NTM: variants seen among roughly 807,000 people sequenced by gnomAD.
NTM encodes IgLON family member 2.
In NTM, 13 loss-of-function variants were observed where a neutral mutation model predicts 42.1. The ratio of observed to expected loss-of-function variants is 0.31; its 90% CI spans 0.20 to 0.49. The LOEUF (loss-of-function observed/expected upper bound fraction) is 0.49. NTM is among the 20% of genes least tolerant of loss of function. The pLI is 0.99. For missense variants in NTM, 373 were observed against 452.8 expected (o/e 0.82, Z 1.60); for synonymous variants, 187 against 179.2 (o/e 1.04, Z -0.35).
At chr11:132,171,830 T>C (rs2076158910) in intron 3 of NTM, among the ~76,000 whole-genome samples, 1 of 152,236 alleles carries the variant, frequency 6.6e-6, no homozygotes, top group Non-Finnish European at 1.5e-5. Context: ...ATGAGCCCTG[T>C]CTGCAGGGGA....
rs904015524 is a variant in NTM, at chr11:131,601,248, C to T, written c.82+230360C>T. Among the ~76,000 whole-genome samples, 9 of 152,216 alleles carry T rather than the reference C, an allele frequency of 5.9e-5. No homozygotes were observed. In the East Asian group the frequency reaches 1.7e-3, roughly 29 times the overall value. ...GGACAGTGGTGGCAGCGAGGTCACC[C>T]CAGCAGGTGGTGTAGGAACTGAGGC... On this transcript the variant is annotated intron_variant, in intron 1 of 8. Coordinates refer to ENST00000683400, the MANE Select transcript of NTM (RefSeq NM_001352005.2).
intron 4 of NTM, among the ~76,000 whole-genome samples, chr11:132,295,132 TCACACACACAAA>T (rs925563259): frequency 6.6e-5 from 10 of 151,904 alleles, no homozygotes; most frequent in African/African-American, 2.4e-4. Context: ...TCTGTCTCTC[TCACACACACAAA>T]CACACACACA....
chr11:131,420,999 C>T (rs1242836923), intron 1 of NTM, among the ~76,000 whole-genome samples: 1 of 152,018 alleles, frequency 6.6e-6, no homozygotes, highest in Non-Finnish European at 1.5e-5. Flanking sequence ...TTTCTCCAGT[C>T]TTTCTTCATC....
chr11:132,269,164 C>T (rs1167308794), intron 4 of NTM, among the ~76,000 whole-genome samples: 2 of 151,988 alleles, frequency 1.3e-5, no homozygotes, highest in South Asian at 2.1e-4. Flanking sequence ...GCAGGGAAGC[C>T]GAGGACATAC....
At chr11:131,758,427 C>G (rs991044661) in intron 1 of NTM, among the ~76,000 whole-genome samples, 1 of 152,122 alleles carries the variant, frequency 6.6e-6, no homozygotes, top group Non-Finnish European at 1.5e-5. Context: ...ATCCCCAAAG[C>G]TCTTTTAATG....
intron 1 of NTM, among the ~76,000 whole-genome samples, chr11:131,524,910 A>G (rs576297962): frequency 5.3e-5 from 8 of 152,210 alleles, no homozygotes; most frequent in Non-Finnish European, 8.8e-5. Flanking sequence ...GAAAGGGGTC[A>G]ATAGTTCTTG....
At chr11:131,738,699 A>G (rs768808852) in intron 1 of NTM, among the ~76,000 whole-genome samples, 1 of 152,208 alleles carries the variant, frequency 6.6e-6, no homozygotes, top group Non-Finnish European at 1.5e-5. Flanking sequence ...GTGGACATCT[A>G]TGCTTTGCCA....
intron 1 of NTM, among the ~76,000 whole-genome samples, chr11:131,890,447 C>T (rs2051147963): frequency 6.6e-6 from 1 of 152,198 alleles, no homozygotes; most frequent in Non-Finnish European, 1.5e-5. Flanking sequence ...CAGGGGGAGA[C>T]AGTGGTAGGA....
Position 132,146,672 on chromosome 11 carries a change from T to A in NTM, c.400+158T>A. ...TGGTTGTCATTTTGCAGTTAGAAGC[T>A]AAATTTTCCAGTCATTTTCATTGAG... On this transcript the variant is annotated intron_variant, in intron 3 of 8. Coordinates refer to ENST00000683400, the MANE Select transcript of NTM (RefSeq NM_001352005.2). The surrounding 1 kb of genome is among the most constrained non-coding windows in gnomAD (Gnocchi z 4.5). 1.5e-6 allele frequency: 1 copy of A among 655,450 alleles called. No individual in the cohort carries two copies. Among genetic ancestry groups the A allele is most frequent in the Non-Finnish European group, 2.4e-6 (1 of 410,992 alleles). The allele number at this position is 655,450 out of a possible 1,614,324, so 40.6% of individuals were successfully genotyped here.
At chr11:131,862,870 T>C (rs145916762) in intron 1 of NTM, among the ~76,000 whole-genome samples, 1 of 152,148 alleles carries the variant, frequency 6.6e-6, no homozygotes, top group South Asian at 2.1e-4. Context: ...AGAGAGGAAG[T>C]CTGGTTGCTA....
At chr11:131,896,625 T>C (rs904576913) in intron 1 of NTM, among the ~76,000 whole-genome samples, 4 of 151,918 alleles carry the variant, frequency 2.6e-5, no homozygotes, top group Admixed American at 2.6e-4. Flanking sequence ...TTAGCGAATA[T>C]TAAAACCTGG....
intron 1 of NTM, among the ~76,000 whole-genome samples, chr11:131,643,093 T>C (rs2065335553): frequency 6.6e-6 from 1 of 150,772 alleles, no homozygotes; most frequent in Non-Finnish European, 1.5e-5. Flanking sequence ...AGAAAATGGT[T>C]GAGGGGAAAA....
chr11:131,788,905 C>T (rs71483686), intron 1 of NTM, among the ~76,000 whole-genome samples: 2,301 of 152,246 alleles, frequency 0.015, 36 homozygotes, highest in Non-Finnish European at 0.021. Flanking sequence ...GGAAGATAGG[C>T]GCTTACTTCT....
rs574554996 is a variant in NTM at position 131,997,916 on chromosome 11, C to T, written c.167+86268C>T. The stretch of plus-strand genomic sequence containing the variant: ...ACTGCTGAAGAACCCTAAAGCCAGG[C>T]TCATATGCACCTCTCCTCCCTCTCT... On this transcript the variant is annotated intron_variant, in intron 2 of 8. Coordinates refer to ENST00000683400, the MANE Select transcript of NTM (RefSeq NM_001352005.2). Among the ~76,000 whole-genome samples, 14 of 152,216 alleles carry T rather than the reference C, an allele frequency of 9.2e-5. No homozygotes were observed. The East Asian group carries it at 1.5e-3, about 17-fold the overall frequency.
chr11:132,134,883 A>T (rs1247079738), intron 2 of NTM, among the ~76,000 whole-genome samples: 1 of 151,196 alleles, frequency 6.6e-6, no homozygotes, highest in Non-Finnish European at 1.5e-5. Context: ...TTATATAATG[A>T]CTTCTTTTCC....
intron 2 of NTM, among the ~76,000 whole-genome samples, chr11:132,112,990 CT>C (rs995189813): frequency 1.3e-5 from 2 of 152,164 alleles, no homozygotes; most frequent in African/African-American, 4.8e-5. Flanking sequence ...ATTGGACCAT[CT>C]TTTATGTTTT....
chr11:131,995,591 G>A (rs372921325), intron 2 of NTM, among the ~76,000 whole-genome samples: 38 of 152,002 alleles, frequency 2.5e-4, no homozygotes, highest in Non-Finnish European at 4.7e-4. Flanking sequence ...ATGGGGAAGC[G>A]GGGCCAAGGC....
At chr11:131,828,605 A>G (rs572479675) in intron 1 of NTM, among the ~76,000 whole-genome samples, 1 of 151,982 alleles carries the variant, frequency 6.6e-6, no homozygotes, top group African/African-American at 2.4e-5. Flanking sequence ...CATCACCGCC[A>G]CCTTAACCAT....
At chr11:132,060,120 C>T (rs1427034489) in intron 2 of NTM, among the ~76,000 whole-genome samples, 1 of 152,204 alleles carries the variant, frequency 6.6e-6, no homozygotes, top group Admixed American at 6.5e-5. Flanking sequence ...GCAGAACTGC[C>T]TCTTCAGGCC....
Sources: allele counts gnomAD v4.1 joint callset (sites outside exome capture counted in the v4.1 genomes callset), GRCh38; gene constraint gnomAD v4.1.1; non-coding constraint Gnocchi (gnomAD v3.1); transcripts MANE v1.5; gene names NCBI Gene and HGNC (gene_info 2026-07-23, HGNC 2026-07-21).